The following FOXN3 variants were observed in gnomAD, a reference collection of about 807,000 sequenced individuals.
FOXN3 encodes the protein forkhead box protein N3.
FOXN3 carries 7 observed loss-of-function variants against 38.4 expected under a neutral mutation model. The ratio of observed to expected loss-of-function variants is 0.18; its 90% CI spans 0.10 to 0.34. The LOEUF is 0.34. FOXN3 is among the 10% of genes least tolerant of loss of function. The pLI is 1.00. For missense variants in FOXN3, 456 were observed against 613.4 expected (o/e 0.74, Z 2.71); for synonymous variants, 230 against 242.2 (o/e 0.95, Z 0.47).
chr14:89,452,627 A>G (rs942559554), intron 1 of FOXN3, among the ~76,000 whole-genome samples: 3 of 152,186 alleles, frequency 2.0e-5, no homozygotes, highest in African/African-American at 7.2e-5. Context: ...GCCCATAGTA[A>G]GATGGGCCTT....
At chr14:89,562,938 T>C (rs994401261) in intron 1 of FOXN3, among the ~76,000 whole-genome samples, 2 of 151,904 alleles carry the variant, frequency 1.3e-5, no homozygotes, top group African/African-American at 4.8e-5. Flanking sequence ...GGTTAAAGAG[T>C]GGTCAGTGAG....
chr14:89,186,183 G>A (rs1887802025), intron 4 of FOXN3, among the ~76,000 whole-genome samples: 1 of 152,168 alleles, frequency 6.6e-6, no homozygotes, highest in South Asian at 2.1e-4. Flanking sequence ...AAGCACACTG[G>A]GGAGGGGGCT....
chr14:89,483,366 G>C (rs1893380654), intron 1 of FOXN3, among the ~76,000 whole-genome samples: 1 of 152,046 alleles, frequency 6.6e-6, no homozygotes, highest in Non-Finnish European at 1.5e-5. Context: ...CCCAACTCTG[G>C]GCAAATGAGA....
At chr14:89,194,144 T>C (rs1360641056) in intron 4 of FOXN3, among the ~76,000 whole-genome samples, 1 of 152,216 alleles carries the variant, frequency 6.6e-6, no homozygotes, top group Non-Finnish European at 1.5e-5. Flanking sequence ...ATTCAGTTTC[T>C]TAAGAGTGTC....
intron 1 of FOXN3, among the ~76,000 whole-genome samples, chr14:89,444,007 CAAAAAAAAAAA>C (rs569571116): frequency 3.0e-5 from 2 of 67,638 alleles, no homozygotes; most frequent in African/African-American, 1.2e-4. Context: ...GAAACTCTGT[CAAAAAAAAAAA>C]AAAAAAAAAA....
At chr14:89,294,841 A>AGGG in intron 3 of FOXN3, among the ~76,000 whole-genome samples, 2 of 152,110 alleles carry the variant, frequency 1.3e-5, no homozygotes, top group Admixed American at 1.3e-4. Context: ...AGCCCTCCGG[A>AGGG]CTGCTCTATA....
intron 4 of FOXN3, among the ~76,000 whole-genome samples, chr14:89,203,566 C>A (rs1888289519): frequency 6.6e-6 from 1 of 152,204 alleles, no homozygotes. Flanking sequence ...CAGTCCTGAC[C>A]AGGCTGCCCC....
Position 89,161,594 on chromosome 14 carries a change from T to C in FOXN3, c.*820A>G, listed in dbSNP as rs747604063. 23 of 138,342 alleles carry C rather than the reference T, an allele frequency of 1.7e-4. No individual in the cohort carries two copies. Among genetic ancestry groups the C allele is most frequent in the South Asian group, 2.5e-4 (1 of 4,076 alleles). 8.6% of individuals were successfully genotyped at this position (138,342 alleles called of 1,614,324 possible). On this transcript the variant is annotated 3_prime_UTR_variant, in exon 6 of 6. Transcript: ENST00000557258. ...GTGTGTGTGTGTGTGTGTGTGTGTG[T>C]GTGCGTGCGTGCACAGGGCCAATCT...
chr14:89,382,971 T>C (rs577242114), intron 2 of FOXN3, among the ~76,000 whole-genome samples: 1 of 150,458 alleles, frequency 6.6e-6, no homozygotes, highest in East Asian at 2.0e-4. Flanking sequence ...ATTCCCTCGA[T>C]ACTCTATTGC....
At chr14:89,571,426 T>A (rs1162833644) in intron 1 of FOXN3, among the ~76,000 whole-genome samples, 1 of 151,754 alleles carries the variant, frequency 6.6e-6, no homozygotes, top group Non-Finnish European at 1.5e-5. Flanking sequence ...GGAGAATTGC[T>A]TGAACCTGGG....
rs753502567 is a variant in FOXN3 at position 89,412,399 on chromosome 14, G to A, written c.78C>T (p.Tyr26=). 7.4e-6 allele frequency: 12 copies of A among 1,614,128 alleles called. No individual in the cohort carries two copies. Among genetic ancestry groups the A allele is most frequent in the South Asian group, 4.4e-5 (4 of 91,074 alleles). Residue 26 remains tyrosine (Y), a synonymous_variant, in exon 2 of 6, where the codon TAC becomes TAT. Coordinates refer to ENST00000557258, the MANE Select transcript of FOXN3 (RefSeq NM_005197.4). This position sits in a 1 kb window ranked among gnomAD's most constrained non-coding sequence, Gnocchi z 4.7. ...GGGCCTTGGAGAAACCGCTGCCCCC[G>A]TAACACTGACTCAGTCCACTGGAGA... The part of the protein sequence containing the change: ...ISVSSGLSQC[Y]GGSGFSKALQ...
intron 1 of FOXN3, among the ~76,000 whole-genome samples, chr14:89,474,134 GT>G (rs1167121326): frequency 6.6e-6 from 1 of 152,168 alleles, no homozygotes; most frequent in Admixed American, 6.5e-5. Flanking sequence ...CAGATTTACT[GT>G]TTTAGCCATC....
intron 3 of FOXN3, among the ~76,000 whole-genome samples, chr14:89,345,061 C>T (rs1037723846): frequency 6.6e-6 from 1 of 151,288 alleles, no homozygotes; most frequent in Non-Finnish European, 1.5e-5. Flanking sequence ...GCTGGCGTGG[C>T]TCGGTGTGCA....
At chr14:89,294,404 C>T (rs552041992) in intron 3 of FOXN3, among the ~76,000 whole-genome samples, 25 of 152,284 alleles carry the variant, frequency 1.6e-4, no homozygotes, top group African/African-American at 5.8e-4. Flanking sequence ...TCTCCATGTG[C>T]GTCTTCATTC....
intron 2 of FOXN3, among the ~76,000 whole-genome samples, chr14:89,398,246 A>G (rs935639877): frequency 8.5e-5 from 13 of 152,182 alleles, no homozygotes; most frequent in African/African-American, 3.1e-4. Context: ...TAAAGTAATT[A>G]TATTTTCCCC....
intron 1 of FOXN3, among the ~76,000 whole-genome samples, chr14:89,534,427 A>C (rs1329887682): frequency 6.6e-6 from 1 of 151,906 alleles, no homozygotes; most frequent in Non-Finnish European, 1.5e-5. Flanking sequence ...GATAGGAAAA[A>C]CTTTCAAGAC....
chr14:89,450,174 C>G (rs1892587024), intron 1 of FOXN3, among the ~76,000 whole-genome samples: 1 of 152,210 alleles, frequency 6.6e-6, no homozygotes, highest in Admixed American at 6.5e-5. Flanking sequence ...ACTCTCTGCT[C>G]TTGCAAGTCT....
At chr14:89,297,780 C>A (rs1181428800) in intron 3 of FOXN3, among the ~76,000 whole-genome samples, 1 of 152,010 alleles carries the variant, frequency 6.6e-6, no homozygotes, top group Non-Finnish European at 1.5e-5. Context: ...GAGTTCGAGA[C>A]CAGCCAGGGC....
intron 1 of FOXN3, among the ~76,000 whole-genome samples, chr14:89,605,174 A>AG (rs1386385996): frequency 6.6e-6 from 1 of 152,118 alleles, no homozygotes. Context: ...TTAAAAAAAA[A>AG]CACAAAAAAA....
Sources: gnomAD v4.1 joint callset for allele counts (sites outside exome capture counted in the v4.1 genomes callset) on GRCh38, gnomAD v4.1.1 for gene constraint, Gnocchi (gnomAD v3.1) non-coding constraint, MANE v1.5 for transcripts, NCBI Gene and HGNC (gene_info 2026-07-23, HGNC 2026-07-21) for gene names.